Variants in ADGRF4 observed in about 807,000 individuals in gnomAD.
ADGRF4 encodes adhesion G protein-coupled receptor F4.
In ADGRF4, 63 loss-of-function variants were observed where a neutral mutation model predicts 58.5. The ratio of observed to expected loss-of-function variants is 1.08; its 90% CI spans 0.88 to 1.33. The LOEUF (loss-of-function observed/expected upper bound fraction) is 1.33, where lower values mean the gene tolerates loss of function less well. ADGRF4 is among the 40% of genes most tolerant of loss of function. ADGRF4 has a pLI of 0.00. For synonymous variants in ADGRF4, 313 were observed against 295.4 expected (o/e 1.06, Z -0.61); for missense variants, 931 against 843.9 (o/e 1.10, Z -1.28).
intron 5 of ADGRF4, among the ~76,000 whole-genome samples, chr6:47,713,233 A>G (rs559254112): frequency 6.6e-6 from 1 of 151,696 alleles, no homozygotes; most frequent in African/African-American, 2.4e-5. Context: ...CGGTGCCAAA[A>G]AGGTTGAGGA....
At chr6:47,702,520 C>G (rs979851741) in intron 1 of ADGRF4, among the ~76,000 whole-genome samples, 1 of 152,202 alleles carries the variant, frequency 6.6e-6, no homozygotes, top group Admixed American at 6.5e-5. Context: ...TTTTCTTTAA[C>G]CTTTTTGTGC....
chr6:47,706,854 A>G (rs181807748), intron 1 of ADGRF4, among the ~76,000 whole-genome samples: 1 of 152,322 alleles, frequency 6.6e-6, no homozygotes, highest in East Asian at 1.9e-4. Flanking sequence ...ACATCATAGG[A>G]TTAAAGGAAT....
At chr6:47,704,551 G>A (rs906338896) in intron 1 of ADGRF4, among the ~76,000 whole-genome samples, 6 of 151,956 alleles carry the variant, frequency 3.9e-5, no homozygotes, top group African/African-American at 1.5e-4. Flanking sequence ...AAGGATTAAA[G>A]TGATCACTTT....
chr6:47,710,053 C>T (rs1449723949), intron 3 of ADGRF4, among the ~76,000 whole-genome samples: 1 of 152,066 alleles, frequency 6.6e-6, no homozygotes, highest in Non-Finnish European at 1.5e-5. Context: ...AATGAATCGA[C>T]AATATATATT....
intron 4 of ADGRF4, among the ~76,000 whole-genome samples, chr6:47,711,541 G>A (rs960593337): frequency 6.6e-6 from 1 of 152,328 alleles, no homozygotes; most frequent in Non-Finnish European, 1.5e-5. Flanking sequence ...GATTACAGGC[G>A]TAAGCCACCG....
At chr6:47,705,977 G>T (rs1327760110) in intron 1 of ADGRF4, among the ~76,000 whole-genome samples, 1 of 152,142 alleles carries the variant, frequency 6.6e-6, no homozygotes, top group African/African-American at 2.4e-5. Context: ...TCTAGCAAAT[G>T]AGTGACACTT....
chr6:47,715,856 C>A (rs963299984), intron 6 of ADGRF4, among the ~76,000 whole-genome samples: 1 of 152,126 alleles, frequency 6.6e-6, no homozygotes, highest in Non-Finnish European at 1.5e-5. Flanking sequence ...AAATAGAAAG[C>A]AGACTTTAAA....
intron 3 of ADGRF4, 44 bp downstream of exon 3, chr6:47,708,322 A>C: frequency 6.8e-7 from 1 of 1,465,772 alleles, no homozygotes; most frequent in Non-Finnish European, 9.6e-7. Flanking sequence ...AAGACAGGGA[A>C]GAATAAAGGA....
chr6:47,717,291 G>C lies in ADGRF4; in HGVS notation c.1975-1G>C, dbSNP rs1297579967. On this transcript the variant is annotated splice_acceptor_variant, in intron 7 of 9. Transcript: ENST00000283303. LOFTEE classifies it high-confidence loss of function. ...ACTTCTCATTGTCATTGCTTCTTTA[G>C]ATAAGAGATGCTTTGAGGATGAGGA... 6 of 1,605,548 alleles carry C rather than the reference G, an allele frequency of 3.7e-6. No individual in the cohort carries two copies. In the South Asian group the frequency reaches 6.6e-5, roughly 18 times the overall value.
At chr6:47,707,100 G>T in intron 1 of ADGRF4, 130 bp from the exon 2 acceptor site, 1 of 621,108 alleles carries the variant, frequency 1.6e-6, no homozygotes, top group Non-Finnish European at 2.9e-6. Context: ...CTTTTCCAGG[G>T]CAGGCTGCTT....
intron 1 of ADGRF4, among the ~76,000 whole-genome samples, chr6:47,705,721 T>C (rs1771694772): frequency 1.3e-5 from 2 of 152,238 alleles, no homozygotes; most frequent in Non-Finnish European, 2.9e-5. Context: ...ATCAGTGAGC[T>C]CTGTCGGCTC....
In ADGRF4 at chr6:47,710,394, T is replaced by C. The variant is rs1771831843; in HGVS notation, c.149-341T>C. 2.0e-5 allele frequency among the ~76,000 whole-genome samples: 3 copies of C among 152,240 alleles called. 1 individual carries two copies. The highest frequency in any genetic ancestry group is 4.8e-5 in the African/African-American group (2 of 41,476). ...TTTCAAAAACAAGTTCAATCATGTC[T>C]TCTGGTAACTCCCACATTAGCACAG... is the stretch of plus-strand genomic sequence containing the variant. On this transcript the variant is annotated intron_variant, in intron 3 of 9. Coordinates refer to ENST00000283303, the MANE Select transcript of ADGRF4 (RefSeq NM_153838.5).
intron 3 of ADGRF4, 143 bp from the exon 4 acceptor site, chr6:47,710,592 C>T: frequency 1.5e-6 from 1 of 674,430 alleles, no homozygotes. Context: ...AGCTCTTACT[C>T]ATTGCCGTGG....
chr6:47,707,971 C>G (rs908157089), intron 2 of ADGRF4, among the ~76,000 whole-genome samples: 1 of 152,272 alleles, frequency 6.6e-6, no homozygotes. Flanking sequence ...TGTAGCATCT[C>G]TACTAACTTC....
In ADGRF4 at chr6:47,707,199, C is replaced by A. The variant is rs745346858; in HGVS notation, c.-16-31C>A. ...GTTAGTTGCGTGAAGTTGTCACCTT[C>A]AGGTGGGTATGCCTTCTTTCTCTAT... On this transcript the variant is annotated intron_variant, in intron 1 of 9. Transcript: ENST00000283303. The A allele has an allele frequency of 1.2e-5, 15 of 1,207,042 alleles. No homozygotes were observed. The African/African-American group carries it at 2.2e-4, about 18-fold the overall frequency. 74.8% of individuals were successfully genotyped at this position (1,207,042 alleles called of 1,614,324 possible).
intron 1 of ADGRF4, among the ~76,000 whole-genome samples, chr6:47,703,009 C>G (rs752608188): frequency 3.0e-4 from 45 of 152,206 alleles, no homozygotes; most frequent in Non-Finnish European, 6.0e-4. Context: ...ACAATTCTCA[C>G]TCTTCTTGTT....
At chr6:47,715,982 GA>G (rs1485475268) in intron 6 of ADGRF4, among the ~76,000 whole-genome samples, 1 of 63,744 alleles carries the variant, frequency 1.6e-5, no homozygotes, top group African/African-American at 5.1e-5. Context: ...TGACATGAGG[GA>G]TTTTTTTTTT....
chr6:47,712,566 T>A lies in ADGRF4; in HGVS notation c.510T>A (p.Ile170=). The change falls in exon 5 of 10, where the codon ATT becomes ATA. Residue 170 remains isoleucine, a synonymous_variant. Transcript: ENST00000283303. ...IAFIVELLKN[I]STDLSDNVTR... Reference sequence around the variant, plus strand: ...TTATAGTGGAGTTATTAAAAAATATTTCTACAGACTTGTCTGATAATGTTA... The same window carrying A: ...TTATAGTGGAGTTATTAAAAAATATATCTACAGACTTGTCTGATAATGTTA... The A allele has an allele frequency of 6.3e-7, 1 of 1,590,898 alleles. No homozygotes were observed. Among genetic ancestry groups the A allele is most frequent in the Non-Finnish European group, 8.6e-7 (1 of 1,158,854 alleles).
rs374101643 is a variant in ADGRF4, at chr6:47,714,394, G to A, written c.1149G>A (p.Val383=). The change falls in exon 6 of 10, where the codon GTG becomes GTA. Residue 383 remains valine, a synonymous_variant. Transcript: ENST00000283303. ...AATGCCGCTGTAACTACACCAGTGT[G>A]GTGATGTCTTTTTCCATTCTCATGT... ...EVKCRCNYTS[V]VMSFSILMSS... 6.2e-7 allele frequency: 1 copy of A among 1,614,098 alleles called. No homozygotes were observed. The highest frequency in any genetic ancestry group is 8.5e-7 in the Non-Finnish European group (1 of 1,180,016).
Sources: gnomAD v4.1 joint callset for allele counts (sites outside exome capture counted in the v4.1 genomes callset) on GRCh38, gnomAD v4.1.1 for gene constraint, MANE v1.5 for transcripts, NCBI Gene and HGNC (gene_info 2026-07-23, HGNC 2026-07-21) for gene names.